The following CEP70 variants were observed in gnomAD, a reference collection of about 807,000 sequenced individuals.
CEP70 encodes centrosomal protein 70.
Under a neutral mutation model 90.9 loss-of-function variants are expected in CEP70, and 70 were observed. That is an observed-to-expected ratio of 0.77 (90% CI 0.64 to 0.94). The LOEUF (loss-of-function observed/expected upper bound fraction) is 0.94. CEP70 is among the 40% of genes least tolerant of loss of function. The probability of loss-of-function intolerance (pLI) is 0.00; values close to 1 mark genes in which losing one functional copy is unlikely to be tolerated. For missense variants in CEP70, 648 were observed against 669.0 expected (o/e 0.97, Z 0.35); for synonymous variants, 220 against 228.3 (o/e 0.96, Z 0.33).
rs148989713 is a variant in CEP70 at position 138,565,266 on chromosome 3, T to C, written c.465+5052A>G. 5.7e-3 allele frequency among the ~76,000 whole-genome samples: 861 copies of C among 152,024 alleles called. 7 individuals carry two copies. Among genetic ancestry groups the C allele is most frequent in the African/African-American group, 0.02 (829 of 41,456 alleles). Reference sequence around the variant, plus strand: ...AATCAATATTGTGAAAATGGCCATATTGCCCAAAGTAATTTATAGATTCAA... The same window carrying C: ...AATCAATATTGTGAAAATGGCCATACTGCCCAAAGTAATTTATAGATTCAA... On this transcript the variant is annotated intron_variant, in intron 6 of 17. Transcript: ENST00000264982.
intron 7 of CEP70, chr3:138,536,851 C>G (rs749695851): frequency 1.9e-5 from 3 of 158,716 alleles, no homozygotes; most frequent in Non-Finnish European, 4.1e-5. Context: ...AACTAAGCAA[C>G]CCCAAAACCC....
chr3:138,555,708 A>C (rs1254772629), intron 6 of CEP70, among the ~76,000 whole-genome samples: 2 of 152,226 alleles, frequency 1.3e-5, no homozygotes, highest in East Asian at 3.8e-4. Flanking sequence ...TCAAAACCAC[A>C]ATGTGATACC....
intron 2 of CEP70, among the ~76,000 whole-genome samples, chr3:138,573,950 T>C (rs2041348470): frequency 6.6e-6 from 1 of 152,136 alleles, no homozygotes; most frequent in Non-Finnish European, 1.5e-5. Flanking sequence ...TAATGATGCA[T>C]TTTTAAAAAT....
chr3:138,584,478 AAGAG>A (rs952570195), intron 2 of CEP70, among the ~76,000 whole-genome samples: 10 of 149,170 alleles, frequency 6.7e-5, no homozygotes, highest in African/African-American at 2.0e-4. Context: ...AAAAAAAAAA[AAGAG>A]AGAGAGAGAG....
chr3:138,498,423 C>T (rs1030423521), intron 16 of CEP70, among the ~76,000 whole-genome samples: 2 of 151,076 alleles, frequency 1.3e-5, no homozygotes, highest in Non-Finnish European at 3.0e-5. Context: ...CTGCAAGCTC[C>T]GCCTCCCGGG....
At chr3:138,586,451 A>C (rs566153741) in intron 2 of CEP70, among the ~76,000 whole-genome samples, 1 of 152,380 alleles carries the variant, frequency 6.6e-6, no homozygotes, top group East Asian at 1.9e-4. Flanking sequence ...ACAAATGGAT[A>C]AAGAAAATCT....
At chr3:138,577,311 C>T (rs1406091252) in intron 2 of CEP70, among the ~76,000 whole-genome samples, 3 of 152,070 alleles carry the variant, frequency 2.0e-5, no homozygotes, top group Admixed American at 6.5e-5. Context: ...AACCTGCACG[C>T]TGTCATGTAC....
intron 6 of CEP70, among the ~76,000 whole-genome samples, chr3:138,565,416 AAC>A (rs890081676): frequency 6.6e-6 from 1 of 152,278 alleles, no homozygotes; most frequent in African/African-American, 2.4e-5. Context: ...AGCTGGAGGC[AAC>A]ACACTACCTG....
chr3:138,499,783 T>TACACACACAC (rs56826450), intron 16 of CEP70: 2,214 of 193,176 alleles, frequency 0.011, 15 homozygotes, highest in Middle Eastern at 0.023. Flanking sequence ...TCTCTCTCTC[T>TACACACACAC]ACACACACAC....
chr3:138,558,213 A>C (rs2040159318), intron 6 of CEP70, among the ~76,000 whole-genome samples: 1 of 152,064 alleles, frequency 6.6e-6, no homozygotes, highest in Non-Finnish European at 1.5e-5. Context: ...AAAAATACAA[A>C]AATTAACTGG....
intron 6 of CEP70, among the ~76,000 whole-genome samples, chr3:138,557,695 C>A (rs556191279): frequency 2.0e-5 from 3 of 152,234 alleles, no homozygotes; most frequent in South Asian, 4.1e-4. Context: ...CAAAAGACTA[C>A]AAATTGGGTT....
intron 2 of CEP70, 41 bp from the exon 3 acceptor site, chr3:138,572,973 A>C: frequency 7.1e-7 from 1 of 1,412,206 alleles, no homozygotes; most frequent in South Asian, 1.2e-5. Flanking sequence ...GCAATTAAAA[A>C]ATTTGAGTTG....
intron 6 of CEP70, among the ~76,000 whole-genome samples, chr3:138,568,949 A>G (rs1053568631): frequency 4.6e-5 from 7 of 152,010 alleles, no homozygotes; most frequent in African/African-American, 1.7e-4. Flanking sequence ...ACTGCACACC[A>G]CATCAGCCTG....
chr3:138,497,391 CACTTTAAA>C, intron 17 of CEP70: 1 of 1,175,466 alleles, frequency 8.5e-7, no homozygotes, highest in Non-Finnish European at 1.1e-6. Context: ...GTGAATACAT[CACTTTAAA>C]ACTTTAAAAA....
intron 12 of CEP70, among the ~76,000 whole-genome samples, chr3:138,506,901 C>A (rs911694780): frequency 2.0e-5 from 3 of 151,896 alleles, no homozygotes; most frequent in Non-Finnish European, 4.4e-5. Context: ...CCACCATGCC[C>A]AGCTAATTAA....
Position 138,532,544 on chromosome 3 carries a change from T to A in CEP70, c.662A>T (p.Glu221Val). 6.6e-7 allele frequency: 1 copy of A among 1,509,472 alleles called. No homozygotes were observed. The highest frequency in any genetic ancestry group is 8.9e-7 in the Non-Finnish European group (1 of 1,128,112). 93.5% of individuals were successfully genotyped at this position (1,509,472 alleles called of 1,614,324 possible). A position where few individuals can be genotyped will look rare whatever the true frequency, so the allele number is the denominator to read the frequency against. ...RQLLCLIDYYESKIRKIHTQR... is the reference protein window; with the variant it reads ...RQLLCLIDYYVSKIRKIHTQR... ...TGTATGAATTTTTCTAATTTTAGAT[T>A]CATAGTAATCAATTAGACAAAGCAA... The change falls in exon 8 of 18, where the codon GAA becomes GTA. Residue 221 changes from glutamate to valine, a missense_variant. Glu to Val is a moderately radical substitution (Grantham distance 121, BLOSUM62 -2). Transcript: ENST00000264982.
intron 11 of CEP70, among the ~76,000 whole-genome samples, chr3:138,519,832 A>G (rs1283277791): frequency 6.6e-6 from 1 of 152,168 alleles, no homozygotes; most frequent in Non-Finnish European, 1.5e-5. Context: ...ACACATAACA[A>G]TATTAACCTT....
At chr3:138,539,423 T>C (rs1232621693) in intron 6 of CEP70, among the ~76,000 whole-genome samples, 2 of 152,090 alleles carry the variant, frequency 1.3e-5, no homozygotes, top group Non-Finnish European at 2.9e-5. Context: ...AACTCCAATA[T>C]AACACAGGGA....
intron 2 of CEP70, among the ~76,000 whole-genome samples, chr3:138,583,763 T>C (rs2041977135): frequency 6.6e-6 from 1 of 152,036 alleles, no homozygotes; most frequent in South Asian, 2.1e-4. Flanking sequence ...AAACAAATGA[T>C]AATGGAAACA....
Sources: gnomAD v4.1 joint callset for allele counts (sites outside exome capture counted in the v4.1 genomes callset) on GRCh38, gnomAD v4.1.1 for gene constraint, MANE v1.5 for transcripts, NCBI Gene and HGNC (gene_info 2026-07-23, HGNC 2026-07-21) for gene names.